Variants in DNER observed in about 807,000 individuals in gnomAD.
The protein encoded by DNER is delta and Notch-like epidermal growth factor-related receptor.
In DNER, 33 loss-of-function variants were observed where a neutral mutation model predicts 78.2. The ratio of observed to expected loss-of-function variants is 0.42; its 90% CI spans 0.32 to 0.56. The LOEUF is 0.56. DNER is among the 20% of genes least tolerant of loss of function. DNER has a pLI of 0.11. For synonymous variants in DNER, 417 were observed against 384.8 expected (o/e 1.08, Z -0.98); for missense variants, 918 against 975.3 (o/e 0.94, Z 0.78).
chr2:229,667,241 T>C (rs910312206), intron 1 of DNER, among the ~76,000 whole-genome samples: 2 of 152,162 alleles, frequency 1.3e-5, no homozygotes, highest in Non-Finnish European at 2.9e-5. Context: ...CCACCAGGCT[T>C]CAATGGCAAC....
intron 6 of DNER, among the ~76,000 whole-genome samples, chr2:229,477,532 T>C (rs1271331297): frequency 6.6e-6 from 1 of 152,230 alleles, no homozygotes; most frequent in Non-Finnish European, 1.5e-5. Context: ...CATCTTGAAA[T>C]ATCAGTCGGA....
intron 4 of DNER, among the ~76,000 whole-genome samples, chr2:229,569,067 G>T (rs1559169825): frequency 6.6e-6 from 1 of 152,156 alleles, no homozygotes; most frequent in South Asian, 2.1e-4. Context: ...GTATATACAT[G>T]TCTGTGCATC....
At chr2:229,528,318 G>A (rs999701864) in intron 5 of DNER, among the ~76,000 whole-genome samples, 2 of 152,156 alleles carry the variant, frequency 1.3e-5, no homozygotes, top group Non-Finnish European at 2.9e-5. Flanking sequence ...CTTCTTTTGT[G>A]GTTTGCGCAT....
At chr2:229,523,701 T>A (rs986474908) in intron 5 of DNER, among the ~76,000 whole-genome samples, 6 of 152,240 alleles carry the variant, frequency 3.9e-5, no homozygotes, top group Non-Finnish European at 8.8e-5. Context: ...TGCTTCTTCC[T>A]CCAACTATTT....
chr2:229,620,977 C>T (rs1015408656), intron 1 of DNER, among the ~76,000 whole-genome samples: 2 of 152,186 alleles, frequency 1.3e-5, no homozygotes, highest in African/African-American at 4.8e-5. Context: ...ATCTCAGACT[C>T]CCAGGCTCCA....
intron 7 of DNER, among the ~76,000 whole-genome samples, chr2:229,471,508 A>G (rs1486379054): frequency 1.3e-5 from 2 of 152,352 alleles, no homozygotes; most frequent in East Asian, 1.9e-4. Context: ...GACTTGAAAC[A>G]TGATGGATTT....
chr2:229,627,565 G>A (rs559374359), intron 1 of DNER, among the ~76,000 whole-genome samples: 120 of 152,260 alleles, frequency 7.9e-4, no homozygotes, highest in Middle Eastern at 6.8e-3. Context: ...CAAAACCAAG[G>A]AAGGAAATAA....
At chr2:229,389,731 C>T (rs1692976439) in intron 10 of DNER, among the ~76,000 whole-genome samples, 1 of 152,188 alleles carries the variant, frequency 6.6e-6, no homozygotes, top group Non-Finnish European at 1.5e-5. Context: ...AGGAATCTCA[C>T]ACTAATATAT....
intron 6 of DNER, among the ~76,000 whole-genome samples, chr2:229,502,109 C>T (rs547646452): frequency 6.6e-6 from 1 of 152,254 alleles, no homozygotes; most frequent in South Asian, 2.1e-4. Context: ...TGACCAATGG[C>T]CTGGCCATAT....
chr2:229,546,822 C>CAGAT lies in DNER; in HGVS notation c.993+124_993+125insATCT, dbSNP rs1481830597. On this transcript the variant is annotated intron_variant, in intron 5 of 12. Coordinates refer to ENST00000341772, the MANE Select transcript of DNER (RefSeq NM_139072.4). Reference sequence around the variant, plus strand: ...ATAGATAGACAGACAGACAGACAGACAGACAGACAGATAGATAGATAGAGC... The same window carrying CAGAT: ...ATAGATAGACAGACAGACAGACAGACAGATAGACAGACAGATAGATAGATAGAGC... 229 of 1,365,892 alleles carry CAGAT rather than the reference C, an allele frequency of 1.7e-4. No homozygotes were observed. The African/African-American group carries it at 3.3e-3, about 20-fold the overall frequency. 84.6% of individuals were successfully genotyped at this position (1,365,892 alleles called of 1,614,324 possible). A position where few individuals can be genotyped will look rare whatever the true frequency, so the allele number is the denominator to read the frequency against.
At chr2:229,466,479 C>T (rs930768783) in intron 7 of DNER, among the ~76,000 whole-genome samples, 8 of 152,158 alleles carry the variant, frequency 5.3e-5, no homozygotes, top group African/African-American at 1.9e-4. Flanking sequence ...CCCTCCAGCC[C>T]TCAGTGTAGG....
At chr2:229,707,971 G>C (rs973139313) in intron 1 of DNER, among the ~76,000 whole-genome samples, 1 of 152,212 alleles carries the variant, frequency 6.6e-6, no homozygotes, top group Non-Finnish European at 1.5e-5. Context: ...CATTTTCACA[G>C]ATGATAAAAC....
intron 4 of DNER, among the ~76,000 whole-genome samples, chr2:229,564,622 A>G (rs1697064739): frequency 6.8e-6 from 1 of 147,422 alleles, no homozygotes; most frequent in African/African-American, 2.5e-5. Flanking sequence ...CATCACCATC[A>G]TCATCCTCAT....
chr2:229,607,597 C>T (rs965660099), intron 1 of DNER, among the ~76,000 whole-genome samples: 7 of 152,164 alleles, frequency 4.6e-5, no homozygotes, highest in African/African-American at 1.7e-4. Context: ...AATAAAGATA[C>T]ATGCTTTATT....
chr2:229,509,361 G>A (rs1695816094), intron 6 of DNER, among the ~76,000 whole-genome samples: 1 of 152,188 alleles, frequency 6.6e-6, no homozygotes, highest in Non-Finnish European at 1.5e-5. Context: ...CATCAATAGA[G>A]GAATAGCTTA....
intron 7 of DNER, among the ~76,000 whole-genome samples, chr2:229,470,207 C>T (rs541481339): frequency 6.6e-6 from 1 of 152,224 alleles, no homozygotes; most frequent in African/African-American, 2.4e-5. Context: ...ATGTTTATCC[C>T]TTAGGTATAT....
intron 1 of DNER, among the ~76,000 whole-genome samples, chr2:229,665,071 G>A (rs1297350618): frequency 6.6e-6 from 1 of 152,090 alleles, no homozygotes; most frequent in Admixed American, 6.6e-5. Context: ...ACACATTACT[G>A]AGCAATATAA....
intron 7 of DNER, among the ~76,000 whole-genome samples, chr2:229,465,664 A>T (rs780513269): frequency 6.6e-6 from 1 of 152,182 alleles, no homozygotes; most frequent in Non-Finnish European, 1.5e-5. Flanking sequence ...TTTAAACAAG[A>T]TCACTTAGTG....
intron 1 of DNER, among the ~76,000 whole-genome samples, chr2:229,654,663 G>A (rs1698883840): frequency 6.6e-6 from 1 of 152,100 alleles, no homozygotes; most frequent in African/African-American, 2.4e-5. Context: ...ATGCTTATGT[G>A]TCACACAAGT....
Sources: allele counts gnomAD v4.1 joint callset (sites outside exome capture counted in the v4.1 genomes callset), GRCh38; gene constraint gnomAD v4.1.1; transcripts MANE v1.5; gene names NCBI Gene and HGNC (gene_info 2026-07-23, HGNC 2026-07-21).